Variants in ANKRD36C observed in about 807,000 individuals in gnomAD.
ANKRD36C encodes the protein ankyrin repeat domain 36C.
ANKRD36C carries 61 observed loss-of-function variants against 276.4 expected under a neutral mutation model. That is an observed-to-expected ratio of 0.22 (90% CI 0.18 to 0.27). The LOEUF (loss-of-function observed/expected upper bound fraction) is 0.27, where lower values mean the gene tolerates loss of function less well. Ranked by LOEUF, ANKRD36C falls within the 10% of genes least tolerant of loss-of-function variation. ANKRD36C has a pLI of 1.00. For synonymous variants in ANKRD36C, 483 were observed against 680.1 expected, an observed-to-expected ratio of 0.71 and a Z score of 4.51; for missense variants, 1,447 against 2,032.3, an observed-to-expected ratio of 0.71 and a Z score of 5.54.
intron 42 of ANKRD36C, among the ~76,000 whole-genome samples, chr2:95,911,571 T>C (rs1286359638): frequency 3.3e-5 from 5 of 151,508 alleles, no homozygotes. Flanking sequence ...GTATCTCTGA[T>C]GCCTAATAGT....
chr2:95,924,532 T>C (rs1465571052), intron 30 of ANKRD36C, among the ~76,000 whole-genome samples: 1 of 151,678 alleles, frequency 6.6e-6, no homozygotes, highest in African/African-American at 2.4e-5. Context: ...GCAAAATTAG[T>C]CTGCTCTGGA....
chr2:95,861,677 G>A (rs1163248607), intron 60 of ANKRD36C, among the ~76,000 whole-genome samples: 1 of 152,000 alleles, frequency 6.6e-6, no homozygotes, highest in African/African-American at 2.4e-5. Context: ...AGCAGGAAAA[G>A]AAGGGGAACA....
intron 52 of ANKRD36C, among the ~76,000 whole-genome samples, chr2:95,885,766 T>C (rs1676186704): frequency 1.3e-5 from 2 of 151,944 alleles, no homozygotes; most frequent in Middle Eastern, 6.8e-3. Flanking sequence ...GCTGTAGAAT[T>C]AAAGCAAAAT....
In ANKRD36C at chr2:95,912,513, T is replaced by A. The variant is rs1317923262; in HGVS notation, c.2552-78A>T. 3.8e-6 allele frequency: 6 copies of A among 1,593,758 alleles called. No individual in the cohort carries two copies. The Admixed American group carries it at 6.8e-5, about 18-fold the overall frequency. ...TCCATACATTCGCACAGTGTTAGCA[T>A]CAACCTCTGACCTCCTGCCTGTATT... On this transcript the variant is annotated intron_variant, in intron 40 of 66. Transcript: ENST00000456556.
intron 44 of ANKRD36C, among the ~76,000 whole-genome samples, chr2:95,894,555 T>C (rs4527246): frequency 0.36 from 54,700 of 151,186 alleles, 10,715 homozygotes; most frequent in East Asian, 0.65. Context: ...GAATGCAACA[T>C]AATTTTTGTC....
intron 6 of ANKRD36C, among the ~76,000 whole-genome samples, chr2:95,975,494 T>G (rs975539865): frequency 9.8e-5 from 15 of 152,298 alleles, no homozygotes; most frequent in Middle Eastern, 3.4e-3. Flanking sequence ...ACTATCGATC[T>G]TTGACAAACC....
chr2:95,966,336 A>G (rs1430616998), intron 6 of ANKRD36C, among the ~76,000 whole-genome samples: 1 of 152,150 alleles, frequency 6.6e-6, no homozygotes. Context: ...TCTTGAGTTA[A>G]TTTTTGTATA....
intron 38 of ANKRD36C, among the ~76,000 whole-genome samples, chr2:95,915,270 T>C (rs973143372): frequency 1.3e-5 from 2 of 151,602 alleles, no homozygotes; most frequent in African/African-American, 4.8e-5. Flanking sequence ...GTTTATCTCA[T>C]TTCTATAACT....
chr2:95,966,307 C>G lies in ANKRD36C; in HGVS notation c.800-3760G>C, dbSNP rs1236420367. Among the ~76,000 whole-genome samples the G allele has an allele frequency of 3.3e-5, 5 of 152,094 alleles. No individual in the cohort carries two copies. The East Asian group carries it at 5.8e-4, about 18-fold the overall frequency. On this transcript the variant is annotated intron_variant, in intron 6 of 66. Transcript: ENST00000456556. ...AGGGTTTTTATACATTGAGAACTTA[C>G]TTTTAAGTCTTTAATGCATCTTGAG...
chr2:95,858,486 G>A (rs536833000), intron 61 of ANKRD36C, among the ~76,000 whole-genome samples: 22 of 152,014 alleles, frequency 1.4e-4, no homozygotes, highest in Non-Finnish European at 3.1e-4. Flanking sequence ...TTATGAAAAA[G>A]GATGTTGAAA....
intron 26 of ANKRD36C, 29 bp downstream of exon 26, chr2:95,929,043 A>G (rs79976205): frequency 1.9e-6 from 3 of 1,600,662 alleles, no homozygotes; most frequent in Non-Finnish European, 2.5e-6. Context: ...TTGATTGAAC[A>G]TGACATTAGA....
intron 59 of ANKRD36C, among the ~76,000 whole-genome samples, chr2:95,871,229 T>A (rs1675804205): frequency 6.6e-6 from 1 of 151,662 alleles, no homozygotes; most frequent in African/African-American, 2.4e-5. Flanking sequence ...TTCACCAAAG[T>A]TGAAATGAAG....
chr2:95,867,415 C>G, intron 60 of ANKRD36C, 25 bp downstream of exon 80: 4 of 965,670 alleles, frequency 4.1e-6, no homozygotes, highest in Non-Finnish European at 6.1e-6. Flanking sequence ...TTTTAAAAAG[C>G]CTTATATTTA....
chr2:95,938,293 G>GT (rs149028437), intron 22 of ANKRD36C, among the ~76,000 whole-genome samples: 287 of 134,896 alleles, frequency 2.1e-3, no homozygotes, highest in African/African-American at 3.6e-3. Flanking sequence ...TTAAAACACT[G>GT]TATCTACCAA....
chr2:95,857,221 G>A (rs1180374895), intron 62 of ANKRD36C, 88 bp downstream of exon 82: 57 of 1,499,642 alleles, frequency 3.8e-5, no homozygotes, highest in Non-Finnish European at 4.5e-5. Flanking sequence ...GATTGTTCAG[G>A]CCTAAATAAT....
intron 59 of ANKRD36C, among the ~76,000 whole-genome samples, chr2:95,873,103 T>C (rs747024829): frequency 4.4e-4 from 67 of 152,314 alleles, no homozygotes; most frequent in Non-Finnish European, 7.6e-4. Flanking sequence ...GAGGAAGTGA[T>C]ACCCTTCCTT....
chr2:95,918,876 T>C (rs974352345), intron 34 of ANKRD36C, among the ~76,000 whole-genome samples: 1 of 146,138 alleles, frequency 6.8e-6, no homozygotes, highest in African/African-American at 2.5e-5. Context: ...TTCAACATAA[T>C]TTTTGTTTCT....
intron 19 of ANKRD36C, among the ~76,000 whole-genome samples, chr2:95,942,013 A>T (rs1677906217): frequency 1.3e-5 from 2 of 152,288 alleles, no homozygotes; most frequent in Admixed American, 1.3e-4. Flanking sequence ...TTATTTACTA[A>T]AATTGGGACG....
intron 44 of ANKRD36C, 39 bp downstream of exon 59, chr2:95,897,398 A>G (rs1298464289): frequency 1.3e-6 from 2 of 1,547,000 alleles, no homozygotes; most frequent in Non-Finnish European, 1.8e-6. Context: ...CATAGACTAT[A>G]CATTTACTAG....
Sources: allele counts gnomAD v4.1 joint callset (sites outside exome capture counted in the v4.1 genomes callset), GRCh38; gene constraint gnomAD v4.1.1; transcripts MANE v1.5; gene names NCBI Gene and HGNC (gene_info 2026-07-23, HGNC 2026-07-21).